DPP10: variants seen among roughly 807,000 people sequenced by gnomAD.
The protein encoded by DPP10 is dipeptidyl peptidase like 10, also known as inactive dipeptidyl peptidase 10.
A neutral mutation model predicts 120.9 loss-of-function variants in DPP10; 33 were observed. That is an observed-to-expected ratio of 0.27 (90% CI 0.21 to 0.37). The LOEUF (loss-of-function observed/expected upper bound fraction) is 0.37. DPP10 is among the 10% of genes least tolerant of loss of function. The pLI is 1.00. For synonymous variants in DPP10, 337 were observed against 326.1 expected (o/e 1.03, Z -0.36); for missense variants, 816 against 942.8 (o/e 0.87, Z 1.76).
chr2:115,753,216 G>C lies in DPP10; in HGVS notation c.993G>C (p.Lys331Asn). 1 of 1,612,008 alleles carries C rather than the reference G, an allele frequency of 6.2e-7. No individual in the cohort carries two copies. The change falls in exon 11 of 26, where the codon AAG (lysine) becomes AAC (asparagine). Residue 331 changes from lysine to asparagine, a missense_variant. Lys to Asn is a moderately conservative substitution (Grantham distance 94). This residue lies in a region of DPP10 where 592 missense variants were observed against 649.0 expected (regional missense o/e 0.91). Transcript: ENST00000410059. ...TGGTTAAATGGGTAAGCAATACCAA[G>C]ACTGTGGTAAGATGGTTAAACCGAG... ...ITMVKWVSNT[K>N]TVVRWLNRAQ...
intron 8 of DPP10, among the ~76,000 whole-genome samples, chr2:115,729,541 G>C (rs573642748): frequency 6.6e-6 from 1 of 152,284 alleles, no homozygotes; most frequent in Non-Finnish European, 1.5e-5. Flanking sequence ...CAAGGTGGGA[G>C]AATTATCCAA....
At position 114,711,694 on chromosome 2, in the gene DPP10, T is replaced by C. The variant is rs189251259; in HGVS notation, c.60+268856T>C. Among the ~76,000 whole-genome samples the C allele has an allele frequency of 9.9e-4, 151 of 152,318 alleles. 1 individual carries two copies. The highest frequency in any genetic ancestry group is 1.6e-3 in the Admixed American group (25 of 15,304). On this transcript the variant is annotated intron_variant, in intron 1 of 25. Coordinates refer to ENST00000410059, the MANE Select transcript of DPP10 (RefSeq NM_020868.6). ...TGAGACTGTCCACGTTTTAATTATTTTTTTTTTGTGATAGTTCCAATAGGA... is the reference window on the plus strand; with the variant it reads ...TGAGACTGTCCACGTTTTAATTATTCTTTTTTTGTGATAGTTCCAATAGGA...
intron 5 of DPP10, among the ~76,000 whole-genome samples, chr2:115,651,337 A>G (rs59823298): frequency 0.015 from 2,352 of 152,192 alleles, 55 homozygotes; most frequent in African/African-American, 0.054. Flanking sequence ...GAAAAAATGA[A>G]AAGTAGGTGT....
chr2:114,623,027 C>T (rs193027296), intron 1 of DPP10, among the ~76,000 whole-genome samples: 6 of 152,066 alleles, frequency 3.9e-5, no homozygotes, highest in South Asian at 2.1e-4. Flanking sequence ...GAAAATGACA[C>T]GTTTTAAATG....
chr2:115,034,788 C>T (rs1704111846), intron 1 of DPP10, among the ~76,000 whole-genome samples: 2 of 152,216 alleles, frequency 1.3e-5, no homozygotes, highest in Non-Finnish European at 2.9e-5. Flanking sequence ...TCAATCCCTA[C>T]TAAGTCTCTG....
intron 1 of DPP10, among the ~76,000 whole-genome samples, chr2:114,888,800 T>A (rs1164674656): frequency 2.0e-5 from 3 of 152,204 alleles, no homozygotes; most frequent in Non-Finnish European, 4.4e-5. Flanking sequence ...CAATGGGCAT[T>A]CCACTATGAG....
intron 1 of DPP10, among the ~76,000 whole-genome samples, chr2:114,483,683 A>G (rs1037484134): frequency 1.3e-5 from 2 of 152,186 alleles, no homozygotes; most frequent in Middle Eastern, 3.2e-3. Flanking sequence ...CTTGAATTTC[A>G]TTAGAAGCCA....
intron 5 of DPP10, among the ~76,000 whole-genome samples, chr2:115,628,930 A>G (rs2085599005): frequency 6.6e-6 from 1 of 151,860 alleles, no homozygotes; most frequent in African/African-American, 2.4e-5. Flanking sequence ...CTCGTCATTT[A>G]CATTAGGTAT....
intron 1 of DPP10, among the ~76,000 whole-genome samples, chr2:114,800,116 G>T (rs779909501): frequency 1.3e-5 from 2 of 152,122 alleles, no homozygotes; most frequent in Non-Finnish European, 2.9e-5. Flanking sequence ...CGCAAGATTC[G>T]AACCACATGG....
intron 3 of DPP10, among the ~76,000 whole-genome samples, chr2:115,367,806 T>C (rs1379283405): frequency 6.6e-6 from 1 of 152,006 alleles, no homozygotes; most frequent in East Asian, 1.9e-4. Flanking sequence ...CTATACTATA[T>C]CTAATAAAAC....
intron 1 of DPP10, among the ~76,000 whole-genome samples, chr2:114,924,309 C>G (rs1012844241): frequency 7.9e-5 from 12 of 151,938 alleles, no homozygotes; most frequent in African/African-American, 2.4e-4. Flanking sequence ...GGTGGATTGC[C>G]TGAGCTGAGG....
At chr2:115,277,686 CTT>C (rs2059977226) in intron 1 of DPP10, among the ~76,000 whole-genome samples, 1 of 151,726 alleles carries the variant, frequency 6.6e-6, no homozygotes, top group South Asian at 2.1e-4. Context: ...GAAGTAGAAA[CTT>C]AATGAAAATA....
At chr2:114,934,870 CT>C (rs2104523442) in intron 1 of DPP10, among the ~76,000 whole-genome samples, 1 of 152,172 alleles carries the variant, frequency 6.6e-6, no homozygotes, top group Admixed American at 6.5e-5. Context: ...TTGCAAATAT[CT>C]TTTCTCTGTG....
intron 1 of DPP10, among the ~76,000 whole-genome samples, chr2:114,649,529 T>C (rs1696413633): frequency 6.6e-6 from 1 of 152,006 alleles, no homozygotes; most frequent in African/African-American, 2.4e-5. Context: ...TTTTTCTGTA[T>C]TTTTAGTAGA....
intron 1 of DPP10, among the ~76,000 whole-genome samples, chr2:114,764,569 A>G (rs930129120): frequency 4.6e-5 from 7 of 151,954 alleles, no homozygotes; most frequent in Non-Finnish European, 7.4e-5. Context: ...TTTGATGAAA[A>G]GTTCTATTTA....
intron 24 of DPP10, among the ~76,000 whole-genome samples, chr2:115,839,673 C>CAAAAAAAAAAA (rs57734176): frequency 1.1e-5 from 1 of 90,530 alleles, no homozygotes; most frequent in Non-Finnish European, 2.2e-5. Flanking sequence ...GACTCCATCT[C>CAAAAAAAAAAA]AAAAAAAAAA....
intron 1 of DPP10, among the ~76,000 whole-genome samples, chr2:114,932,756 C>T (rs1487748292): frequency 3.3e-5 from 5 of 152,062 alleles, no homozygotes; most frequent in African/African-American, 1.2e-4. Flanking sequence ...TAGATGTATA[C>T]ATTTATACAT....
At chr2:114,684,417 G>C (rs561508672) in intron 1 of DPP10, among the ~76,000 whole-genome samples, 2 of 152,076 alleles carry the variant, frequency 1.3e-5, no homozygotes, top group East Asian at 3.9e-4. Flanking sequence ...ATTTTAAAAG[G>C]GAGAGACAAA....
chr2:115,631,448 C>T (rs1330143145), intron 5 of DPP10, among the ~76,000 whole-genome samples: 1 of 151,972 alleles, frequency 6.6e-6, no homozygotes, highest in Admixed American at 6.6e-5. Context: ...TTGTCTTCTG[C>T]CAGTTTTGGG....
Sources: allele counts gnomAD v4.1 joint callset (sites outside exome capture counted in the v4.1 genomes callset), GRCh38; gene constraint gnomAD v4.1.1; regional missense constraint gnomAD v4.1.1; transcripts MANE v1.5; gene names NCBI Gene and HGNC (gene_info 2026-07-23, HGNC 2026-07-21).